The following SBF2 variants were observed in gnomAD, a reference collection of about 807,000 sequenced individuals.
The protein encoded by SBF2 is myotubularin-related protein 13.
In SBF2, 112 loss-of-function variants were observed where a neutral mutation model predicts 225.2. That is an observed-to-expected ratio of 0.50 (90% confidence interval 0.43 to 0.58). SBF2 has a LOEUF of 0.58. SBF2 is among the 20% of genes least tolerant of loss of function. The pLI, the probability that SBF2 is intolerant of heterozygous loss-of-function variation, is 0.00. For synonymous variants in SBF2, 763 were observed against 773.3 expected, an observed-to-expected ratio of 0.99 and a Z score of 0.22; for missense variants, 1,996 against 2,206.2, an observed-to-expected ratio of 0.90 and a Z score of 1.91.
chr11:10,173,965 G>C (rs556481560), intron 2 of SBF2, among the ~76,000 whole-genome samples: 2 of 152,078 alleles, frequency 1.3e-5, no homozygotes, highest in Middle Eastern at 6.8e-3. Context: ...CTGTTAGAAG[G>C]AAAACTAACA....
intron 2 of SBF2, among the ~76,000 whole-genome samples, chr11:10,126,841 T>G (rs1171266813): frequency 6.6e-6 from 1 of 152,114 alleles, no homozygotes; most frequent in Non-Finnish European, 1.5e-5. Flanking sequence ...TACATCAGGA[T>G]ATTATTCATG....
In SBF2 at chr11:9,785,195, G is replaced by C. The variant is rs987108052; in HGVS notation, c.5161C>G (p.Pro1721Ala). ...GCTCTTCGCTCCACTCCATTGGATG[G>C]GGAGATGCTGGAATTCTGTTCCTCC... ...MGEEQNSSIS[P>A]SNGVERRAAT... Residue 1721 changes from proline to alanine, a missense_variant, in exon 37 of 40, where the codon CCA becomes GCA. Coordinates refer to ENST00000256190, the MANE Select transcript of SBF2 (RefSeq NM_030962.4). 1 of 1,614,114 alleles carries C rather than the reference G, an allele frequency of 6.2e-7. No individual in the cohort carries two copies. Among genetic ancestry groups the C allele is most frequent in the African/African-American group, 1.3e-5 (1 of 75,032 alleles).
At chr11:10,164,377 G>GAT (rs1955867956) in intron 2 of SBF2, among the ~76,000 whole-genome samples, 2 of 151,932 alleles carry the variant, frequency 1.3e-5, no homozygotes, top group African/African-American at 2.4e-5. Flanking sequence ...CTTCCTTCCA[G>GAT]ATATATACCA....
At chr11:10,029,600 T>C (rs531380808) in intron 5 of SBF2, among the ~76,000 whole-genome samples, 165 bp downstream of exon 5, 10 of 152,216 alleles carry the variant, frequency 6.6e-5, no homozygotes, top group Non-Finnish European at 1.5e-4. Context: ...GAATCTTGAG[T>C]GTCTAGAAAG....
intron 28 of SBF2, among the ~76,000 whole-genome samples, chr11:9,822,348 C>A (rs1170513727): frequency 6.6e-6 from 1 of 151,542 alleles, no homozygotes; most frequent in Non-Finnish European, 1.5e-5. Flanking sequence ...GCAAGCTCCG[C>A]CTCCCGGGTT....
chr11:9,839,825 T>A, intron 25 of SBF2, 129 bp from the exon 26 acceptor site: 1 of 1,110,052 alleles, frequency 9.0e-7, no homozygotes, highest in South Asian at 1.3e-5. Flanking sequence ...AAAGAAATGA[T>A]TAGCTCAAAG....
At chr11:10,131,876 T>C (rs745367585) in intron 2 of SBF2, among the ~76,000 whole-genome samples, 6 of 152,234 alleles carry the variant, frequency 3.9e-5, no homozygotes, top group Non-Finnish European at 8.8e-5. Context: ...CATTCCAATT[T>C]AGCAATTTTT....
chr11:9,905,659 C>T (rs1277669350), intron 16 of SBF2, among the ~76,000 whole-genome samples: 1 of 151,964 alleles, frequency 6.6e-6, no homozygotes, highest in Non-Finnish European at 1.5e-5. Flanking sequence ...CTGTGGGGAC[C>T]TTTGTTGGAG....
chr11:9,986,181 G>C (rs563547660), intron 13 of SBF2, among the ~76,000 whole-genome samples: 1 of 152,230 alleles, frequency 6.6e-6, no homozygotes, highest in South Asian at 2.1e-4. Context: ...TCCTGAATGA[G>C]CATTCAGTCA....
chr11:9,968,965 T>A (rs1867146691), intron 13 of SBF2, among the ~76,000 whole-genome samples: 1 of 152,168 alleles, frequency 6.6e-6, no homozygotes, highest in Non-Finnish European at 1.5e-5. Context: ...TTTAAACAAG[T>A]TTTCTCCTAA....
intron 16 of SBF2, among the ~76,000 whole-genome samples, chr11:9,899,461 G>A (rs2134146750): frequency 6.7e-6 from 1 of 148,838 alleles, no homozygotes; most frequent in Middle Eastern, 3.5e-3. Context: ...CTATGATCAT[G>A]CCGTGACACC....
intron 2 of SBF2, among the ~76,000 whole-genome samples, chr11:10,070,708 T>C (rs574151304): frequency 2.1e-4 from 32 of 152,354 alleles, no homozygotes; most frequent in Admixed American, 5.9e-4. Flanking sequence ...AAGTCATTGG[T>C]AGCTTGATGG....
chr11:10,228,666 T>C (rs1350147173), intron 1 of SBF2, among the ~76,000 whole-genome samples: 2 of 152,334 alleles, frequency 1.3e-5, no homozygotes, highest in Non-Finnish European at 2.9e-5. Context: ...CCCAGGGATG[T>C]AGCCCACTTG....
chr11:10,156,433 C>T (rs767593740), intron 2 of SBF2, among the ~76,000 whole-genome samples: 21 of 152,298 alleles, frequency 1.4e-4, no homozygotes, highest in African/African-American at 4.3e-4. Flanking sequence ...ATGAAGGGGC[C>T]GGTCCTCGGT....
intron 16 of SBF2, among the ~76,000 whole-genome samples, chr11:9,946,851 T>A (rs1231532033): frequency 2.0e-5 from 3 of 152,226 alleles, no homozygotes; most frequent in South Asian, 4.1e-4. Context: ...GCAAAAGCAA[T>A]TATCCAGAAT....
At chr11:10,276,859 T>C (rs1352518774) in intron 1 of SBF2, among the ~76,000 whole-genome samples, 5 of 152,106 alleles carry the variant, frequency 3.3e-5, no homozygotes, top group South Asian at 2.1e-4. Context: ...ATCAATATAA[T>C]AATATGGAGA....
chr11:10,081,054 A>G (rs1254351220), intron 2 of SBF2, among the ~76,000 whole-genome samples: 2 of 152,196 alleles, frequency 1.3e-5, no homozygotes, highest in Admixed American at 6.5e-5. Flanking sequence ...GCAGAGTATC[A>G]TGACAGAAAA....
At chr11:9,920,415 C>T (rs1590451942) in intron 16 of SBF2, among the ~76,000 whole-genome samples, 2 of 152,132 alleles carry the variant, frequency 1.3e-5, no homozygotes, top group East Asian at 3.9e-4. Flanking sequence ...TTTATGAGAC[C>T]TGATCTAGAT....
intron 1 of SBF2, among the ~76,000 whole-genome samples, chr11:10,236,738 A>C (rs1400932459): frequency 3.9e-5 from 6 of 152,180 alleles, no homozygotes; most frequent in African/African-American, 1.4e-4. Flanking sequence ...CTGGGATTAC[A>C]GGCGTGAGTC....
Sources: allele counts gnomAD v4.1 joint callset (sites outside exome capture counted in the v4.1 genomes callset), GRCh38; gene constraint gnomAD v4.1.1; transcripts MANE v1.5; gene names NCBI Gene and HGNC (gene_info 2026-07-23, HGNC 2026-07-21).